CD8A: variants seen among roughly 807,000 people sequenced by gnomAD.
The protein encoded by CD8A is T-cell surface glycoprotein CD8 alpha chain.
CD8A carries 25 observed loss-of-function variants against 24.2 expected under a neutral mutation model. The ratio of observed to expected loss-of-function variants is 1.03; its 90% CI spans 0.75 to 1.44. CD8A has a LOEUF of 1.44. CD8A is among the 40% of genes most tolerant of loss of function. The probability of loss-of-function intolerance (pLI) is 0.00; values close to 1 mark genes in which losing one functional copy is unlikely to be tolerated. For synonymous variants in CD8A, 165 were observed against 149.9 expected (o/e 1.10, Z -0.74); for missense variants, 360 against 319.7 (o/e 1.13, Z -0.96).
At chr2:86,790,731 C>A (rs773543693) in intron 1 of CD8A, 46 bp downstream of exon 1, 9 of 1,517,514 alleles carry the variant, frequency 5.9e-6, no homozygotes, top group East Asian at 4.9e-5. Context: ...CGCCCCCCGC[C>A]CCCCGCCCGC....
intron 3 of CD8A, among the ~76,000 whole-genome samples, chr2:86,800,574 C>T (rs115027857): frequency 1.2e-3 from 183 of 152,062 alleles, no homozygotes; most frequent in African/African-American, 4.1e-3. Flanking sequence ...TAATCAATTT[C>T]AGCAATCGTT....
At chr2:86,790,214 C>G in intron 2 of CD8A, 114 bp downstream of exon 2, 1 of 796,074 alleles carries the variant, frequency 1.3e-6, no homozygotes, top group South Asian at 1.4e-5. Context: ...GGAACAGTAT[C>G]TAAGTCGCTT....
In CD8A at chr2:86,785,142, A is replaced by C. The variant is rs1672941717; in HGVS notation, c.*778T>G. The C allele has an allele frequency of 6.6e-6, 3 of 453,990 alleles. No homozygotes were observed. The highest frequency in any genetic ancestry group is 1.3e-5 in the Non-Finnish European group (3 of 226,806). The allele number at this position is 453,990 out of a possible 1,614,324, so 28.1% of individuals were successfully genotyped here. ...CTTTCATGGGCCCCTCTGCAATGCA[A>C]GGGCTGGGAGAGCAATTCCGCCTCC... On this transcript the variant is annotated 3_prime_UTR_variant, in exon 6 of 6. Coordinates refer to ENST00000283635, the MANE Select transcript of CD8A (RefSeq NM_001768.7).
chr2:86,790,489 G>A lies in CD8A; in HGVS notation c.242C>T (p.Ala81Val). 1 of 1,614,120 alleles carries A rather than the reference G, an allele frequency of 6.2e-7. No individual in the cohort carries two copies. Among genetic ancestry groups the A allele is most frequent in the Non-Finnish European group, 8.5e-7 (1 of 1,180,018 alleles). The change falls in exon 2 of 6, where the codon GCC (alanine) becomes GTC (valine). Residue 81 changes from alanine to valine, a missense_variant. Physicochemically the swap from Ala to Val is moderately conservative, Grantham distance 64. Transcript: ENST00000283635. ...LYLSQNKPKAAEGLDTQRFSG... is the reference protein window; with the variant it reads ...LYLSQNKPKAVEGLDTQRFSG... ...GAACCGCTGGGTGTCCAGCCCCTCG[G>A]CCGCCTTGGGCTTGTTTTGGGAGAG...
At chr2:86,807,992 G>A (rs1169702748) in intron 1 of CD8A, 1 of 152,506 alleles carries the variant, frequency 6.6e-6, no homozygotes, top group Admixed American at 6.5e-5. Context: ...GCTAAGTAAG[G>A]CGGTGGATCT....
At chr2:86,794,890 C>A (rs1673431212), upstream of CD8A, among the ~76,000 whole-genome samples, 2 of 152,194 alleles carry the variant, frequency 1.3e-5, no homozygotes, top group South Asian at 4.1e-4. Context: ...CTTTCCACTT[C>A]AGAGCCATTA....
chr2:86,802,834 C>T (rs1673718923), intron 2 of CD8A, among the ~76,000 whole-genome samples: 1 of 152,140 alleles, frequency 6.6e-6, no homozygotes, highest in Admixed American at 6.5e-5. Flanking sequence ...TGGTCTTGAA[C>T]TCTTGGCCTC....
rs1322717095 is a variant in CD8A at position 86,789,650 on chromosome 2, C to A, written c.504G>T (p.Ala168=). Residue 168 remains alanine, a synonymous_variant, in exon 3 of 6, where the codon GCG becomes GCT. Coordinates refer to ENST00000283635, the MANE Select transcript of CD8A (RefSeq NM_001768.7). ...SLRPEACRPA[A]GGAVHTRGLD... ...CCCCGCACGCCTCACCTGCGCCCCC[C>A]GCCGCTGGCCGGCACGCCTCTGGGC... 2.8e-5 allele frequency: 42 copies of A among 1,480,192 alleles called. No homozygotes were observed. The highest frequency in any genetic ancestry group is 3.3e-5 in the Non-Finnish European group (37 of 1,120,220). The allele number at this position is 1,480,192 out of a possible 1,614,324, so 91.7% of individuals were successfully genotyped here.
upstream of CD8A, among the ~76,000 whole-genome samples, chr2:86,794,844 G>C (rs1264049731): frequency 6.6e-6 from 1 of 152,012 alleles, no homozygotes; most frequent in Non-Finnish European, 1.5e-5. Context: ...CTCCTCCTAG[G>C]TTCCGCATCT....
rs1283526145 is a variant in CD8A, at chr2:86,785,169, C to T, written c.*751G>A. On this transcript the variant is annotated 3_prime_UTR_variant, in exon 6 of 6. Transcript: ENST00000283635. Reference sequence around the variant, plus strand: ...GGCTGGGAGAGCAATTCCGCCTCCACATAGGGGTTTCACAGAGATTTTCTT... The same window carrying T: ...GGCTGGGAGAGCAATTCCGCCTCCATATAGGGGTTTCACAGAGATTTTCTT... The T allele has an allele frequency of 6.6e-6, 3 of 453,874 alleles. No individual in the cohort carries two copies. The highest frequency in any genetic ancestry group is 4.0e-5 in the African/African-American group (2 of 49,938). The allele number at this position is 453,874 out of a possible 1,614,324, so 28.1% of individuals were successfully genotyped here.
upstream of CD8A, among the ~76,000 whole-genome samples, chr2:86,792,765 A>C (rs989233326): frequency 2.7e-5 from 4 of 148,736 alleles, no homozygotes; most frequent in Non-Finnish European, 5.9e-5. Flanking sequence ...CAAAGTGTTG[A>C]GATTACAGGT....
In CD8A at chr2:86,789,403, T is replaced by G; in HGVS notation, c.545A>C (p.Asp182Ala). Residue 182 changes from aspartate to alanine, a missense_variant, in exon 4 of 6, where the codon GAT becomes GCT. By Grantham distance (126) the Asp-to-Ala change is moderately radical. Coordinates refer to ENST00000283635, the MANE Select transcript of CD8A (RefSeq NM_001768.7). ...GGCCAAGGGCGCCCAGATGTAGATA[T>G]CACAGGCGAAGTCCAGCCCCCTCGT... ...VHTRGLDFACDIYIWAPLAGT... is the reference protein window; with the variant it reads ...VHTRGLDFACAIYIWAPLAGT... 1 of 1,613,822 alleles carries G rather than the reference T, an allele frequency of 6.2e-7. No individual in the cohort carries two copies. Among genetic ancestry groups the G allele is most frequent in the Non-Finnish European group, 8.5e-7 (1 of 1,179,850 alleles).
At chr2:86,786,376 G>C (rs1416215979) in intron 5 of CD8A, among the ~76,000 whole-genome samples, 1 of 152,222 alleles carries the variant, frequency 6.6e-6, no homozygotes, top group Non-Finnish European at 1.5e-5. Context: ...ATGACAGGGA[G>C]AGAGGAGGAT....
chr2:86,788,536 C>T lies in CD8A; in HGVS notation c.650G>A (p.Cys217Tyr), dbSNP rs764889614. 5 of 1,613,196 alleles carry T rather than the reference C, an allele frequency of 3.1e-6. No individual in the cohort carries two copies. The highest frequency in any genetic ancestry group is 4.2e-6 in the Non-Finnish European group (5 of 1,179,550). Reference sequence around the variant, plus strand: ...GAGTTCAAAAGAGACTCACCGGGGACATTTGCAAACACGTCTTCGGTTCCC... The same window carrying T: ...GAGTTCAAAAGAGACTCACCGGGGATATTTGCAAACACGTCTTCGGTTCCC... ...NHRNRRRVCK[C>Y]PRPVVKSGDK... The change falls in exon 5 of 6, where the codon TGT (cysteine) becomes TAT (tyrosine). Residue 217 changes from cysteine (C) to tyrosine (Y), a missense_variant. Physicochemically the swap from Cys to Tyr is radical, Grantham distance 194. Transcript: ENST00000283635.
chr2:86,807,929 A>T (rs971669301), intron 1 of CD8A: 6 of 153,022 alleles, frequency 3.9e-5, no homozygotes, highest in African/African-American at 1.4e-4. Context: ...ACCTAGCACC[A>T]ACCGCACCGG....
chr2:86,797,146 A>G (rs1331659071), intron 3 of CD8A, among the ~76,000 whole-genome samples: 1 of 152,178 alleles, frequency 6.6e-6, no homozygotes, highest in Non-Finnish European at 1.5e-5. Flanking sequence ...AGTAACACTG[A>G]AACAGAAGCG....
rs1307255693 is a variant in CD8A, at chr2:86,784,850, A to G, written c.*1070T>C. ...CCAATGGGCAGGCATTGCTTGTACC[A>G]TACCTTAAGCAAGGAAGTGCATGTT... On this transcript the variant is annotated 3_prime_UTR_variant, in exon 6 of 6. Transcript: ENST00000283635. 4 of 454,014 alleles carry G rather than the reference A, an allele frequency of 8.8e-6. No homozygotes were observed. Among genetic ancestry groups the G allele is most frequent in the African/African-American group, 8.0e-5 (4 of 50,012 alleles). The allele number at this position is 454,014 out of a possible 1,614,324, so 28.1% of individuals were successfully genotyped here.
intron 3 of CD8A, among the ~76,000 whole-genome samples, chr2:86,797,141 C>A (rs1352360518): frequency 6.6e-6 from 1 of 152,132 alleles, no homozygotes; most frequent in Non-Finnish European, 1.5e-5. Context: ...ATCTCAGTAA[C>A]ACTGAAACAG....
At chr2:86,790,260 G>T in intron 2 of CD8A, 68 bp downstream of exon 2, 1 of 1,119,650 alleles carries the variant, frequency 8.9e-7, no homozygotes, top group Non-Finnish European at 1.4e-6. Context: ...CAGGGCCCAG[G>T]TGTGGAAAAC....
Sources: allele counts gnomAD v4.1 joint callset (sites outside exome capture counted in the v4.1 genomes callset), GRCh38; gene constraint gnomAD v4.1.1; transcripts MANE v1.5; gene names NCBI Gene and HGNC (gene_info 2026-07-23, HGNC 2026-07-21).